FGF14: variants seen among roughly 807,000 people sequenced by gnomAD.
FGF14 encodes fibroblast growth factor homologous factor 4.
In FGF14, 5 loss-of-function variants were observed where a neutral mutation model predicts 25.5. The ratio of observed to expected loss-of-function variants is 0.20; its 90% CI spans 0.10 to 0.41. The LOEUF (loss-of-function observed/expected upper bound fraction) is 0.41, where lower values mean the gene tolerates loss of function less well. Ranked by LOEUF, FGF14 falls within the 10% of genes least tolerant of loss-of-function variation. The pLI, the probability that FGF14 is intolerant of heterozygous loss-of-function variation, is 1.00. For synonymous variants in FGF14, 138 were observed against 118.3 expected (o/e 1.17, Z -1.08); for missense variants, 222 against 320.1 (o/e 0.69, Z 2.34).
At chr13:102,377,762 C>T (rs896886425) in intron 1 of FGF14, among the ~76,000 whole-genome samples, 3 of 152,178 alleles carry the variant, frequency 2.0e-5, no homozygotes, top group South Asian at 2.1e-4. Flanking sequence ...GAGCTGAAAT[C>T]GTGCCATTGC....
intron 1 of FGF14, among the ~76,000 whole-genome samples, chr13:102,140,043 A>ACCCC (rs35520744): frequency 7.3e-5 from 6 of 82,498 alleles, no homozygotes; most frequent in African/African-American, 2.5e-4. Flanking sequence ...ACTCTTCAAG[A>ACCCC]CCCCCCCCCC....
chr13:102,019,538 T>C (rs935256829), intron 1 of FGF14, among the ~76,000 whole-genome samples: 32 of 152,284 alleles, frequency 2.1e-4, no homozygotes, highest in African/African-American at 7.7e-4. Context: ...CTTGGAGAAG[T>C]AATAACTTGC....
intron 1 of FGF14, among the ~76,000 whole-genome samples, chr13:101,946,043 A>G (rs1425738701): frequency 6.6e-6 from 1 of 152,204 alleles, no homozygotes; most frequent in Non-Finnish European, 1.5e-5. Context: ...TCTCTAAGAA[A>G]GAATTCTCAT....
intron 1 of FGF14, among the ~76,000 whole-genome samples, chr13:102,213,370 C>T (rs959203211): frequency 1.3e-5 from 2 of 152,204 alleles, no homozygotes; most frequent in Non-Finnish European, 2.9e-5. Flanking sequence ...ATTCCTTTCA[C>T]TTGTGATTCT....
At chr13:101,726,492 C>A (rs2035445615) in intron 4 of FGF14, 120 bp downstream of exon 4, 4 of 967,974 alleles carry the variant, frequency 4.1e-6, no homozygotes, top group Non-Finnish European at 4.8e-6. Context: ...TCACCTAGAT[C>A]AAAATAAATG....
intron 1 of FGF14, among the ~76,000 whole-genome samples, chr13:102,116,114 T>TAAAC (rs540290720): frequency 2.7e-4 from 41 of 151,894 alleles, no homozygotes; most frequent in African/African-American, 8.2e-4. Flanking sequence ...CCATCTCAAA[T>TAAAC]AAACAAACAA....
chr13:102,401,650 C>A (rs1473298586), exon 1 of FGF14: 1 of 1,614,064 alleles, frequency 6.2e-7, no homozygotes, highest in Non-Finnish European at 8.5e-7. Context: ...GAAATCAGTT[C>A]TCCTGAAGAG....
intron 1 of FGF14, chr13:102,401,442 A>C (rs2058701972): frequency 3.7e-6 from 6 of 1,607,292 alleles, no homozygotes; most frequent in Non-Finnish European, 5.1e-6. Context: ...TTATGAGGAA[A>C]AACATAACAT....
chr13:102,045,077 A>G (rs2041921325), intron 1 of FGF14, among the ~76,000 whole-genome samples: 1 of 152,198 alleles, frequency 6.6e-6, no homozygotes, highest in African/African-American at 2.4e-5. Context: ...GAGAGTGTCA[A>G]TTGAATTTTA....
Position 102,202,107 on chromosome 13 carries a change from G to A in FGF14, c.208+199364C>T, listed in dbSNP as rs186376268. On this transcript the variant is annotated intron_variant, in intron 1 of 4. Transcript: ENST00000376131. ...TGCTGCCTCCCCCTTCGCCTTCACCGCGACTGTAAGTTCCCTGAGGCCTCC... is the reference window on the plus strand; with the variant it reads ...TGCTGCCTCCCCCTTCGCCTTCACCACGACTGTAAGTTCCCTGAGGCCTCC... 6.4e-3 allele frequency among the ~76,000 whole-genome samples: 971 copies of A among 152,220 alleles called. 32 individuals are homozygous for A. Among genetic ancestry groups the A allele is most frequent in the Admixed American group, 0.054 (827 of 15,294 alleles).
intron 1 of FGF14, among the ~76,000 whole-genome samples, chr13:102,025,932 T>C (rs2040902064): frequency 1.3e-5 from 2 of 152,140 alleles, no homozygotes; most frequent in African/African-American, 4.8e-5. Context: ...ATTATCTATA[T>C]AGGGGGTTGT....
chr13:101,908,182 C>G (rs2032481959), intron 1 of FGF14, among the ~76,000 whole-genome samples: 1 of 152,100 alleles, frequency 6.6e-6, no homozygotes, highest in Admixed American at 6.6e-5. Context: ...AGGTTATTGA[C>G]TGTGAATTTA....
At chr13:102,324,801 T>C (rs759224440) in intron 1 of FGF14, among the ~76,000 whole-genome samples, 3 of 152,254 alleles carry the variant, frequency 2.0e-5, no homozygotes, top group Non-Finnish European at 2.9e-5. Flanking sequence ...TGCATTTTTA[T>C]ATGAGAAGAT....
intron 1 of FGF14, among the ~76,000 whole-genome samples, chr13:102,131,822 G>A (rs1227631765): frequency 1.3e-5 from 2 of 151,970 alleles, no homozygotes; most frequent in Non-Finnish European, 2.9e-5. Flanking sequence ...CAAACTCACT[G>A]GTAATCACGG....
At chr13:102,008,411 T>G (rs1019277486) in intron 1 of FGF14, among the ~76,000 whole-genome samples, 3 of 152,208 alleles carry the variant, frequency 2.0e-5, no homozygotes, top group Non-Finnish European at 4.4e-5. Context: ...TACTCAACAG[T>G]GCTATTCTGC....
At chr13:102,378,595 ATATCTATCTATC>A (rs4000839) in intron 1 of FGF14, among the ~76,000 whole-genome samples, 9 of 140,418 alleles carry the variant, frequency 6.4e-5, no homozygotes, top group Admixed American at 2.1e-4. Context: ...ATATATATCT[ATATCTATCTATC>A]TATCTATCTA....
chr13:102,165,912 T>A (rs2047986632), intron 1 of FGF14, among the ~76,000 whole-genome samples: 1 of 151,772 alleles, frequency 6.6e-6, no homozygotes, highest in African/African-American at 2.4e-5. Context: ...TGGTTTTCTT[T>A]TCCTTTAAAA....
intron 3 of FGF14, among the ~76,000 whole-genome samples, chr13:101,847,116 A>C (rs1311014875): frequency 6.6e-6 from 1 of 152,036 alleles, no homozygotes; most frequent in Non-Finnish European, 1.5e-5. Flanking sequence ...GAGACAGAAC[A>C]AAAGAAAATG....
At chr13:102,063,812 T>C (rs1237148627) in intron 1 of FGF14, among the ~76,000 whole-genome samples, 1 of 152,186 alleles carries the variant, frequency 6.6e-6, no homozygotes, top group African/African-American at 2.4e-5. Context: ...AATATGCCTA[T>C]GTATTTCCCT....
Sources: gnomAD v4.1 joint callset for allele counts (sites outside exome capture counted in the v4.1 genomes callset) on GRCh38, gnomAD v4.1.1 for gene constraint, MANE v1.5 for transcripts, NCBI Gene and HGNC (gene_info 2026-07-23, HGNC 2026-07-21) for gene names.